CHL1: variants seen among roughly 807,000 people sequenced by gnomAD.
CHL1 encodes the protein neural cell adhesion molecule L1-like protein.
Under a neutral mutation model 141.9 loss-of-function variants are expected in CHL1, and 96 were observed. The observed-to-expected ratio is 0.68, with a 90% CI of 0.57 to 0.80. The LOEUF is 0.80. Ranked by LOEUF, CHL1 falls within the 30% of genes least tolerant of loss-of-function variation. The probability of loss-of-function intolerance (pLI) is 0.00; values close to 1 mark genes in which losing one functional copy is unlikely to be tolerated. For missense variants in CHL1, 1,820 were observed against 1,457.2 expected (o/e 1.25, Z -4.05); for synonymous variants, 613 against 502.2 (o/e 1.22, Z -2.95).
At chr3:308,986 G>C (rs1216755179) in intron 2 of CHL1, 4 of 152,944 alleles carry the variant, frequency 2.6e-5, no homozygotes, top group Non-Finnish European at 5.9e-5. Flanking sequence ...CCCGGACGGT[G>C]CACAGTGGAG....
At chr3:337,180 C>CTTTTT (rs1490013935) in intron 5 of CHL1, among the ~76,000 whole-genome samples, 2 of 113,294 alleles carry the variant, frequency 1.8e-5, no homozygotes. Context: ...TCCAAACATT[C>CTTTTT]TTTTGTTTTT....
chr3:363,301 C>G lies in CHL1; in HGVS notation c.1503C>G (p.Thr501=). 1.9e-6 allele frequency: 3 copies of G among 1,613,578 alleles called. No homozygotes were observed. Among genetic ancestry groups the G allele is most frequent in the Non-Finnish European group, 2.5e-6 (3 of 1,179,672 alleles). ...ENGTLQINRT[T]EEDAGSYSCW... ...GCACATTGCAGATCAACAGAACCAC[C>G]GAAGAAGATGCTGGGTCTTACTCAT... is the stretch of plus-strand genomic sequence containing the variant. The change falls in exon 14 of 28, where the codon ACC becomes ACG. Residue 501 remains threonine, a synonymous_variant. Coordinates refer to ENST00000256509, the MANE Select transcript of CHL1 (RefSeq NM_006614.4).
intron 14 of CHL1, among the ~76,000 whole-genome samples, chr3:365,232 G>A (rs1226826588): frequency 6.6e-6 from 1 of 152,180 alleles, no homozygotes; most frequent in African/African-American, 2.4e-5. Context: ...AAAGAGTAAG[G>A]ATTGCACGTT....
At chr3:249,736 G>C (rs149334881) in intron 2 of CHL1, among the ~76,000 whole-genome samples, 15 of 152,084 alleles carry the variant, frequency 9.9e-5, no homozygotes, top group African/African-American at 3.6e-4. Flanking sequence ...AATTTAAGTT[G>C]GTCACAGACT....
At chr3:386,415 T>C (rs1183256202) in intron 19 of CHL1, among the ~76,000 whole-genome samples, 1 of 152,220 alleles carries the variant, frequency 6.6e-6, no homozygotes, top group East Asian at 1.9e-4. Flanking sequence ...CATTCACTTC[T>C]CATATATTAA....
intron 10 of CHL1, 145 bp downstream of exon 10, chr3:349,688 A>C (rs1703080647): frequency 3.0e-6 from 2 of 673,278 alleles, no homozygotes; most frequent in Non-Finnish European, 5.0e-6. Context: ...ATTATATTAC[A>C]CTTCAACTAA....
At chr3:342,961 T>C (rs2125155337) in intron 7 of CHL1, 23 bp from the exon 8 acceptor site, 1 of 1,590,376 alleles carries the variant, frequency 6.3e-7, no homozygotes, top group East Asian at 2.2e-5. Flanking sequence ...TTTGTGTTTT[T>C]TCCTTCCGTT....
In CHL1 at chr3:334,569, A is replaced by G. The variant is rs183417776; in HGVS notation, c.385+6215A>G. Among the ~76,000 whole-genome samples, 14 of 152,248 alleles carry G rather than the reference A, an allele frequency of 9.2e-5. No individual in the cohort carries two copies. The East Asian group carries it at 2.7e-3, about 29-fold the overall frequency. On this transcript the variant is annotated intron_variant, in intron 5 of 27. Transcript: ENST00000256509. ...TTTCATATGTCTTCTTTCACTTAGC[A>G]TGTTTTGGAGGTTCATCCATGTAGT... is the stretch of plus-strand genomic sequence containing the variant.
chr3:274,004 C>T (rs1481658511), intron 2 of CHL1, among the ~76,000 whole-genome samples: 1 of 152,182 alleles, frequency 6.6e-6, no homozygotes, highest in Non-Finnish European at 1.5e-5. Context: ...ATGAAATAGA[C>T]TCAGCAGCAG....
chr3:266,770 C>T (rs1200510477), intron 2 of CHL1, among the ~76,000 whole-genome samples: 1 of 152,200 alleles, frequency 6.6e-6, no homozygotes, highest in Non-Finnish European at 1.5e-5. Context: ...AGGATGGATG[C>T]TCTCCAGATT....
rs988003764 is a variant in CHL1, at chr3:398,500, A to G, written c.3253+115A>G. The G allele has an allele frequency of 3.6e-5, 21 of 582,398 alleles. No individual in the cohort carries two copies. In the African/African-American group the frequency reaches 3.8e-4, roughly 11 times the overall value. The allele number at this position is 582,398 out of a possible 1,614,324, so 36.1% of individuals were successfully genotyped here. A position where few individuals can be genotyped will look rare whatever the true frequency, so the allele number is the denominator to read the frequency against. ...AAACACTGAGTGTATTAATTATGAA[A>G]ATCGTAATTTCAATTTGTTTTGACA... On this transcript the variant is annotated intron_variant, in intron 25 of 27. Coordinates refer to ENST00000256509, the MANE Select transcript of CHL1 (RefSeq NM_006614.4).
At chr3:290,599 A>G (rs920894548) in intron 2 of CHL1, among the ~76,000 whole-genome samples, 1 of 152,168 alleles carries the variant, frequency 6.6e-6, no homozygotes, top group African/African-American at 2.4e-5. Flanking sequence ...GGATGAAACT[A>G]TGTCTTCATC....
intron 2 of CHL1, among the ~76,000 whole-genome samples, chr3:288,604 G>A (rs115553541): frequency 0.011 from 1,643 of 152,192 alleles, 13 homozygotes; most frequent in South Asian, 0.015. Flanking sequence ...CACAGGAGGG[G>A]GGCCATGAAG....
At chr3:395,787 G>T (rs1242680455) in intron 24 of CHL1, among the ~76,000 whole-genome samples, 1 of 152,208 alleles carries the variant, frequency 6.6e-6, no homozygotes, top group East Asian at 1.9e-4. Flanking sequence ...CTATGTGTCA[G>T]ACTGTGTTCT....
At chr3:240,162 A>G (rs1162725247) in intron 1 of CHL1, among the ~76,000 whole-genome samples, 1 of 152,166 alleles carries the variant, frequency 6.6e-6, no homozygotes, top group Non-Finnish European at 1.5e-5. Flanking sequence ...TCTGTAAGGA[A>G]TCTCCGTACT....
chr3:314,981 C>A (rs1236994133), intron 2 of CHL1, among the ~76,000 whole-genome samples: 1 of 152,068 alleles, frequency 6.6e-6, no homozygotes, highest in Non-Finnish European at 1.5e-5. Context: ...CAATCAATAT[C>A]ATTTCACCAC....
At chr3:364,868 A>G (rs1159183576) in intron 14 of CHL1, among the ~76,000 whole-genome samples, 1 of 152,184 alleles carries the variant, frequency 6.6e-6, no homozygotes, top group African/African-American at 2.4e-5. Flanking sequence ...TATAATTATA[A>G]AATGCCACAA....
At chr3:296,964 G>C (rs1415033256) in intron 2 of CHL1, among the ~76,000 whole-genome samples, 2 of 152,154 alleles carry the variant, frequency 1.3e-5, no homozygotes, top group African/African-American at 4.8e-5. Context: ...ACAGAAAGAA[G>C]AGTGGGGACA....
chr3:361,742 T>C lies in CHL1; in HGVS notation c.1350T>C (p.Ala450=), dbSNP rs148288092. The C allele has an allele frequency of 5.9e-4, 954 of 1,613,612 alleles. 1 individual carries two copies. The highest frequency in any genetic ancestry group is 1.2e-3 in the Admixed American group (75 of 60,010). The change falls in exon 13 of 28, where the codon GCT becomes GCC. Residue 450 remains alanine, a synonymous_variant. Coordinates refer to ENST00000256509, the MANE Select transcript of CHL1 (RefSeq NM_006614.4). ...AAACCAAAGATGGAGAAAATTACGC[T>C]ACAGTGGTTGGGTACAGTGCTTTCT... ...LIQTKDGENY[A]TVVGYSAFLH...
Sources: allele counts gnomAD v4.1 joint callset (sites outside exome capture counted in the v4.1 genomes callset), GRCh38; gene constraint gnomAD v4.1.1; transcripts MANE v1.5; gene names NCBI Gene and HGNC (gene_info 2026-07-23, HGNC 2026-07-21).